The following RFX3 variants were observed in gnomAD, a reference collection of about 807,000 sequenced individuals.
RFX3 encodes regulatory factor X3.
A neutral mutation model predicts 98.6 loss-of-function variants in RFX3; 14 were observed. The observed-to-expected ratio is 0.14, with a 90% CI of 0.09 to 0.22. The LOEUF (loss-of-function observed/expected upper bound fraction) is 0.22. Among genes scored for constraint, RFX3 ranks in the 10% least tolerant of loss-of-function variants. The pLI, the probability that RFX3 is intolerant of heterozygous loss-of-function variation, is 1.00. For missense variants in RFX3, 639 were observed against 926.9 expected (o/e 0.69, Z 4.03); for synonymous variants, 383 against 328.4 (o/e 1.17, Z -1.80).
intron 1 of RFX3, among the ~76,000 whole-genome samples, chr9:3,458,964 G>A (rs2133021702): frequency 6.6e-6 from 1 of 152,208 alleles, no homozygotes; most frequent in East Asian, 1.9e-4. Context: ...CATTGCCGTA[G>A]ACACTGAATT....
chr9:3,285,748 G>A (rs994288376), intron 7 of RFX3, among the ~76,000 whole-genome samples: 2 of 149,730 alleles, frequency 1.3e-5, no homozygotes, highest in Admixed American at 1.4e-4. Context: ...TTCCTGTTTC[G>A]TAAGAAATAA....
intron 1 of RFX3, among the ~76,000 whole-genome samples, chr9:3,518,335 G>C (rs1335537012): frequency 6.6e-6 from 1 of 152,176 alleles, no homozygotes; most frequent in East Asian, 1.9e-4. Flanking sequence ...ACTGGCGAAA[G>C]GAAGCAGAGG....
At chr9:3,463,691 C>G (rs529750698) in intron 1 of RFX3, among the ~76,000 whole-genome samples, 11 of 152,096 alleles carry the variant, frequency 7.2e-5, no homozygotes, top group African/African-American at 2.7e-4. Flanking sequence ...AAACTAGGGG[C>G]TGGGCACTGG....
At chr9:3,386,340 A>C (rs1310745044) in intron 2 of RFX3, among the ~76,000 whole-genome samples, 1 of 152,108 alleles carries the variant, frequency 6.6e-6, no homozygotes, top group African/African-American at 2.4e-5. Flanking sequence ...AGTAAAAAAT[A>C]ATAAACATAT....
At chr9:3,339,384 A>G (rs1227238774) in intron 3 of RFX3, among the ~76,000 whole-genome samples, 2 of 151,150 alleles carry the variant, frequency 1.3e-5, no homozygotes, top group East Asian at 3.8e-4. Flanking sequence ...AAATTTATAA[A>G]CAAGAAAAAC....
At chr9:3,463,507 C>A (rs894809895) in intron 1 of RFX3, among the ~76,000 whole-genome samples, 1 of 151,438 alleles carries the variant, frequency 6.6e-6, no homozygotes. Flanking sequence ...TGGGCTTCAT[C>A]AAAATTAAAG....
intron 1 of RFX3, among the ~76,000 whole-genome samples, chr9:3,430,291 T>C (rs1018356301): frequency 1.3e-5 from 2 of 152,212 alleles, no homozygotes; most frequent in African/African-American, 4.8e-5. Context: ...ATCAATCTCC[T>C]TAAATCTCTT....
intron 1 of RFX3, among the ~76,000 whole-genome samples, chr9:3,515,645 C>T (rs1818079901): frequency 6.6e-6 from 1 of 152,182 alleles, no homozygotes; most frequent in Non-Finnish European, 1.5e-5. Context: ...TCCTCCACAA[C>T]TAAAACATGG....
Position 3,522,299 on chromosome 9 carries a change from T to C in RFX3, c.-9+3448A>G, listed in dbSNP as rs565293887. Among the ~76,000 whole-genome samples the C allele has an allele frequency of 2.6e-5, 4 of 152,334 alleles. No homozygotes were observed. In the East Asian group the frequency reaches 7.7e-4, roughly 29 times the overall value. ...TGTGAATAGAGAGGAATTTAAAACATACTTTGTCATGGCCACTGGGAATAT... is the reference window on the plus strand; with the variant it reads ...TGTGAATAGAGAGGAATTTAAAACACACTTTGTCATGGCCACTGGGAATAT... On this transcript the variant is annotated intron_variant, in intron 1 of 16. Coordinates refer to ENST00000617270, the MANE Select transcript of RFX3 (RefSeq NM_001282116.2).
chr9:3,279,364 G>A (rs1429225067), intron 7 of RFX3, among the ~76,000 whole-genome samples: 3 of 151,446 alleles, frequency 2.0e-5, no homozygotes, highest in Non-Finnish European at 4.4e-5. Flanking sequence ...ATGGAGTTTG[G>A]GATTCACAGA....
chr9:3,225,671 A>C (rs979885472), intron 16 of RFX3, among the ~76,000 whole-genome samples: 2 of 151,238 alleles, frequency 1.3e-5, no homozygotes, highest in African/African-American at 4.9e-5. Context: ...CGCAAACACA[A>C]AAAAAGTGTT....
intron 2 of RFX3, among the ~76,000 whole-genome samples, chr9:3,375,646 T>C (rs947276117): frequency 6.6e-6 from 1 of 152,208 alleles, no homozygotes. Context: ...TATGTGAGTG[T>C]ATTATAGAAA....
At chr9:3,525,509 G>A (rs1214095173) in intron 1 of RFX3, among the ~76,000 whole-genome samples, 1 of 151,824 alleles carries the variant, frequency 6.6e-6, no homozygotes, top group Non-Finnish European at 1.5e-5. Flanking sequence ...GGCCGGGGCC[G>A]GCGGGCGGCG....
chr9:3,484,443 C>T (rs1028050088), intron 1 of RFX3, among the ~76,000 whole-genome samples: 1 of 152,110 alleles, frequency 6.6e-6, no homozygotes, highest in African/African-American at 2.4e-5. Flanking sequence ...GAGGAGTGGT[C>T]AGAGGGACCT....
At chr9:3,281,765 C>A (rs1825942475) in intron 7 of RFX3, among the ~76,000 whole-genome samples, 1 of 151,784 alleles carries the variant, frequency 6.6e-6, no homozygotes, top group South Asian at 2.1e-4. Flanking sequence ...GGGTTAGTCA[C>A]AGCTGCTATT....
intron 1 of RFX3, among the ~76,000 whole-genome samples, chr9:3,444,241 T>C (rs1156896578): frequency 2.0e-5 from 3 of 152,162 alleles, no homozygotes; most frequent in Admixed American, 6.6e-5. Flanking sequence ...TAAAAAGGAA[T>C]GAACTACCAT....
chr9:3,301,691 G>C (rs1353497403), intron 4 of RFX3, 71 bp from the exon 5 acceptor site: 5 of 1,109,494 alleles, frequency 4.5e-6, no homozygotes, highest in Non-Finnish European at 6.7e-6. Flanking sequence ...GAGAATTTCT[G>C]ATAGATTCTT....
intron 1 of RFX3, among the ~76,000 whole-genome samples, chr9:3,496,385 A>G (rs1851111617): frequency 6.6e-6 from 1 of 151,978 alleles, no homozygotes. Flanking sequence ...ATTCTTAATC[A>G]CTTACCAATA....
At chr9:3,344,954 C>G (rs3012670) in intron 3 of RFX3, 1 of 637,540 alleles carries the variant, frequency 1.6e-6, no homozygotes, top group East Asian at 2.9e-5. Flanking sequence ...AGATTTAATA[C>G]GGTAACAGAA....
Sources: allele counts gnomAD v4.1 joint callset (sites outside exome capture counted in the v4.1 genomes callset), GRCh38; gene constraint gnomAD v4.1.1; transcripts MANE v1.5; gene names NCBI Gene and HGNC (gene_info 2026-07-23, HGNC 2026-07-21).